The following PITPNM2 variants were observed in gnomAD, a reference collection of about 807,000 sequenced individuals.
PITPNM2 encodes the protein phosphatidylinositol transfer protein membrane associated 2.
A neutral mutation model predicts 132.2 loss-of-function variants in PITPNM2; 35 were observed. The observed-to-expected ratio is 0.26, with a 90% confidence interval of 0.20 to 0.35. The LOEUF (loss-of-function observed/expected upper bound fraction) is 0.35, where lower values mean the gene tolerates loss of function less well. Ranked by LOEUF, PITPNM2 falls within the 10% of genes least tolerant of loss-of-function variation. The pLI, the probability that PITPNM2 is intolerant of heterozygous loss-of-function variation, is 1.00. For synonymous variants in PITPNM2, 738 were observed against 799.2 expected (o/e 0.92, Z 1.29); for missense variants, 1,332 against 1,912.0 (o/e 0.70, Z 5.66).
chr12:123,103,445 T>G (rs992881551), intron 2 of PITPNM2, among the ~76,000 whole-genome samples: 1 of 152,192 alleles, frequency 6.6e-6, no homozygotes, highest in African/African-American at 2.4e-5. Flanking sequence ...GCAGCCCAGC[T>G]AAGGTGAAAA....
In PITPNM2 at chr12:123,000,033, G is replaced by A. The variant is rs772941849; in HGVS notation, c.1224+745C>T. ...AGAAAGCTGACCTCGGCATCAGACC[G>A]CAAAGCAGAAAACCACAGGAGGGGG... On this transcript the variant is annotated intron_variant, in intron 10 of 25. Transcript: ENST00000320201. This position sits in a 1 kb window ranked among gnomAD's most constrained non-coding sequence, Gnocchi z 5.4. 7.9e-5 allele frequency among the ~76,000 whole-genome samples: 12 copies of A among 152,194 alleles called. No individual in the cohort carries two copies. The highest frequency in any genetic ancestry group is 2.0e-4 in the Admixed American group (3 of 15,282).
rs1484172360 is a variant in PITPNM2, at chr12:123,150,251, A to G, written c.-200+502T>C. The stretch of plus-strand genomic sequence containing the variant: ...CACACGAAGGGGGCACTGAGGATGG[A>G]GACGGGCCACACCCCAACCCTGGGC... On this transcript the variant is annotated intron_variant, in intron 1 of 25. Coordinates refer to ENST00000320201, the MANE Select transcript of PITPNM2 (RefSeq NM_020845.3). This position sits in a 1 kb window ranked among gnomAD's most constrained non-coding sequence, Gnocchi z 6.0. Among the ~76,000 whole-genome samples the G allele has an allele frequency of 6.6e-6, 1 of 152,118 alleles. No homozygotes were observed.
intron 3 of PITPNM2, chr12:123,021,735 C>A (rs755254071): frequency 1.0e-6 from 1 of 981,556 alleles, no homozygotes; most frequent in African/African-American, 1.8e-5. Context: ...GCAGAACATG[C>A]GGGCTTAGAG....
At chr12:123,100,665 C>T (rs1314396021) in intron 2 of PITPNM2, among the ~76,000 whole-genome samples, 1 of 151,876 alleles carries the variant, frequency 6.6e-6, no homozygotes, top group Non-Finnish European at 1.5e-5. Flanking sequence ...ACATATGGTA[C>T]AGCACGGATG....
At chr12:123,139,318 G>A (rs1287457648) in intron 1 of PITPNM2, among the ~76,000 whole-genome samples, 1 of 151,806 alleles carries the variant, frequency 6.6e-6, no homozygotes, top group Non-Finnish European at 1.5e-5. Flanking sequence ...GGCTAACACA[G>A]TGAAACCCTG....
chr12:123,102,882 C>A (rs2137248459), intron 2 of PITPNM2, among the ~76,000 whole-genome samples: 1 of 152,246 alleles, frequency 6.6e-6, no homozygotes, highest in African/African-American at 2.4e-5. Context: ...AGATCTCAGC[C>A]CCCACCAACC....
At position 123,008,863 on chromosome 12, in the gene PITPNM2, C is replaced by T. The variant is rs1592938701; in HGVS notation, c.643+987G>A. Among the ~76,000 whole-genome samples, 1 of 152,236 alleles carries T rather than the reference C, an allele frequency of 6.6e-6. No individual in the cohort carries two copies. The highest frequency in any genetic ancestry group is 1.5e-5 in the Non-Finnish European group (1 of 68,046). ...CCTTGGACCCCAATCCTTTCGGGTA[C>T]ACATCCACCCTTCCCTTGGGGTCAC... On this transcript the variant is annotated intron_variant, in intron 6 of 25. Coordinates refer to ENST00000320201, the MANE Select transcript of PITPNM2 (RefSeq NM_020845.3). This position sits in a 1 kb window ranked among gnomAD's most constrained non-coding sequence, Gnocchi z 4.1.
At chr12:123,067,793 G>A (rs1355617190) in intron 2 of PITPNM2, among the ~76,000 whole-genome samples, 2 of 152,180 alleles carry the variant, frequency 1.3e-5, no homozygotes, top group Non-Finnish European at 2.9e-5. Flanking sequence ...TGGGTTTGTG[G>A]CATTGGGAAA....
At chr12:122,991,563 C>G (rs902158042) in intron 16 of PITPNM2, among the ~76,000 whole-genome samples, 11 of 152,226 alleles carry the variant, frequency 7.2e-5, no homozygotes, top group African/African-American at 2.7e-4. Flanking sequence ...TCTGCCCTGC[C>G]TCTGGCCCAC....
intron 21 of PITPNM2, 27 bp downstream of exon 21, chr12:122,987,756 CAT>C (rs773735085): frequency 1.2e-6 from 2 of 1,613,522 alleles, no homozygotes; most frequent in African/African-American, 2.7e-5. Context: ...AAAGTCCCTC[CAT>C]GTTACCCCTA....
At chr12:123,146,169 G>A (rs775593549) in intron 1 of PITPNM2, among the ~76,000 whole-genome samples, 6 of 152,138 alleles carry the variant, frequency 3.9e-5, no homozygotes, top group Admixed American at 6.5e-5. Context: ...TGGAGGGTGG[G>A]AGGAGGGAGA....
rs2038218423 is a variant in PITPNM2 at position 122,992,158 on chromosome 12, G to A, written c.2404+341C>T. On this transcript the variant is annotated intron_variant, in intron 16 of 25. Transcript: ENST00000320201. The surrounding 1 kb of genome is among the most constrained non-coding windows in gnomAD (Gnocchi z 6.5). ...GGCCCCCTACTAAGTGAGGGTCCCT[G>A]CTGGGTCCTTAGCTCTGTCTCTGTT... 6.6e-6 allele frequency among the ~76,000 whole-genome samples: 1 copy of A among 152,192 alleles called. No homozygotes were observed. The highest frequency in any genetic ancestry group is 1.5e-5 in the Non-Finnish European group (1 of 68,024).
At chr12:123,125,077 C>T (rs1189353435) in intron 1 of PITPNM2, among the ~76,000 whole-genome samples, 1 of 152,164 alleles carries the variant, frequency 6.6e-6, no homozygotes, top group Non-Finnish European at 1.5e-5. Flanking sequence ...CCTGCCTCAG[C>T]CTCCCAAGTA....
chr12:123,033,280 G>T (rs925026490), intron 3 of PITPNM2, among the ~76,000 whole-genome samples: 1 of 152,258 alleles, frequency 6.6e-6, no homozygotes, highest in African/African-American at 2.4e-5. Context: ...AGCCTGGAGG[G>T]AAGCTGCCGG....
At chr12:123,032,091 C>T (rs767410931) in intron 3 of PITPNM2, among the ~76,000 whole-genome samples, 1 of 152,232 alleles carries the variant, frequency 6.6e-6, no homozygotes, top group Non-Finnish European at 1.5e-5. Flanking sequence ...CGGGGCCTGG[C>T]TGCACAGCTG....
chr12:123,059,627 C>G (rs1051489080), intron 2 of PITPNM2, among the ~76,000 whole-genome samples: 3 of 152,234 alleles, frequency 2.0e-5, no homozygotes, highest in Admixed American at 2.0e-4. Flanking sequence ...CCAGGCTGCA[C>G]ACAGGACTGG....
At chr12:123,094,061 C>T (rs573407157) in intron 2 of PITPNM2, among the ~76,000 whole-genome samples, 2 of 152,336 alleles carry the variant, frequency 1.3e-5, no homozygotes, top group East Asian at 1.9e-4. Context: ...GTGAGAAAGG[C>T]CTGGTTAGGG....
intron 2 of PITPNM2, chr12:123,105,577 A>G (rs1034055064): frequency 6.6e-6 from 1 of 152,390 alleles, no homozygotes. Flanking sequence ...GAAGTGACAC[A>G]GGGGACACAG....
At chr12:123,062,459 A>G (rs568710735) in intron 2 of PITPNM2, among the ~76,000 whole-genome samples, 10 of 152,212 alleles carry the variant, frequency 6.6e-5, no homozygotes, top group African/African-American at 2.2e-4. Context: ...TTGCCCACTT[A>G]GCTCCAGAAA....
Sources: gnomAD v4.1 joint callset for allele counts (sites outside exome capture counted in the v4.1 genomes callset) on GRCh38, gnomAD v4.1.1 for gene constraint, Gnocchi (gnomAD v3.1) non-coding constraint, MANE v1.5 for transcripts, NCBI Gene and HGNC (gene_info 2026-07-23, HGNC 2026-07-21) for gene names.